Variants in KCNB2 observed in about 807,000 individuals in gnomAD.
KCNB2 encodes the protein delayed rectifier potassium channel protein.
Under a neutral mutation model 61.5 loss-of-function variants are expected in KCNB2, and 15 were observed. The observed-to-expected ratio is 0.24, with a 90% confidence interval of 0.16 to 0.38. The LOEUF is 0.38. KCNB2 is among the 10% of genes least tolerant of loss of function. The pLI, the probability that KCNB2 is intolerant of heterozygous loss-of-function variation, is 1.00. For synonymous variants in KCNB2, 457 were observed against 446.0 expected, an observed-to-expected ratio of 1.02 and a Z score of -0.31; for missense variants, 828 against 1,125.2, an observed-to-expected ratio of 0.74 and a Z score of 3.78.
chr8:72,791,480 T>C (rs1808942233), intron 2 of KCNB2, among the ~76,000 whole-genome samples: 1 of 151,968 alleles, frequency 6.6e-6, no homozygotes. Context: ...GCCTAATAGA[T>C]CAAGGCTGCA....
intron 2 of KCNB2, among the ~76,000 whole-genome samples, chr8:72,658,384 A>G (rs1345792845): frequency 1.3e-5 from 2 of 152,192 alleles, no homozygotes; most frequent in East Asian, 3.8e-4. Flanking sequence ...CTACAATTCT[A>G]TGAAGGCTGA....
At chr8:72,609,069 A>T (rs1805498805) in intron 2 of KCNB2, among the ~76,000 whole-genome samples, 2 of 152,214 alleles carry the variant, frequency 1.3e-5, no homozygotes, top group Non-Finnish European at 2.9e-5. Flanking sequence ...GAATGAGAAG[A>T]AGTATGAGAG....
In KCNB2 at chr8:72,790,876, A is replaced by T. The variant is rs146234025; in HGVS notation, c.580-145059A>T. Among the ~76,000 whole-genome samples, 836 of 152,330 alleles carry T rather than the reference A, an allele frequency of 5.5e-3. 13 individuals carry two copies. Among genetic ancestry groups the T allele is most frequent in the South Asian group, 0.03 (145 of 4,834 alleles). ...TTTCCTGAGGAGTATCAAGTTCAGA[A>T]TGCTTTCATATACTCTTTCTCTGTT... On this transcript the variant is annotated intron_variant, in intron 2 of 2. Coordinates refer to ENST00000523207, the MANE Select transcript of KCNB2 (RefSeq NM_004770.3).
chr8:72,812,897 C>G (rs1014105765), intron 2 of KCNB2, among the ~76,000 whole-genome samples: 1 of 152,078 alleles, frequency 6.6e-6, no homozygotes, highest in Admixed American at 6.6e-5. Flanking sequence ...GTGCAGACAT[C>G]ATAAAGAAAT....
intron 2 of KCNB2, among the ~76,000 whole-genome samples, chr8:72,617,971 C>T (rs576861377): frequency 1.3e-5 from 2 of 152,282 alleles, no homozygotes; most frequent in African/African-American, 4.8e-5. Context: ...GGGCTCACAG[C>T]ATGGAGCATT....
chr8:72,701,257 GA>G (rs1807120287), intron 2 of KCNB2, among the ~76,000 whole-genome samples: 1 of 152,110 alleles, frequency 6.6e-6, no homozygotes, highest in South Asian at 2.1e-4. Flanking sequence ...AAAAAAGAGA[GA>G]AAATGACCAC....
intron 2 of KCNB2, among the ~76,000 whole-genome samples, chr8:72,853,305 A>C (rs914292629): frequency 6.6e-6 from 1 of 152,194 alleles, no homozygotes; most frequent in Non-Finnish European, 1.5e-5. Context: ...GACATGGCAC[A>C]CAAAGGCTAG....
At chr8:72,664,690 T>C (rs1374342006) in intron 2 of KCNB2, among the ~76,000 whole-genome samples, 1 of 152,198 alleles carries the variant, frequency 6.6e-6, no homozygotes, top group Non-Finnish European at 1.5e-5. Flanking sequence ...GTCTAGATAC[T>C]AGGGATGTAG....
rs370076420 is a variant in KCNB2 at position 72,625,709 on chromosome 8, G to A, written c.579+57396G>A. On this transcript the variant is annotated intron_variant, in intron 2 of 2. Coordinates refer to ENST00000523207, the MANE Select transcript of KCNB2 (RefSeq NM_004770.3). ...GCTTCTCAAAGTGCTGGGATTGCGG[G>A]CATGAGCCACTGCACCCAGAAAAAT... 1.3e-4 allele frequency among the ~76,000 whole-genome samples: 20 copies of A among 152,288 alleles called. No homozygotes were observed. The East Asian group carries it at 3.7e-3, about 28-fold the overall frequency.
chr8:72,769,441 T>A (rs1808523834), intron 2 of KCNB2, among the ~76,000 whole-genome samples: 1 of 152,128 alleles, frequency 6.6e-6, no homozygotes, highest in South Asian at 2.1e-4. Flanking sequence ...CTATAGCAAA[T>A]GTTCTAATAG....
At chr8:72,729,171 T>C in intron 2 of KCNB2, among the ~76,000 whole-genome samples, 1 of 152,248 alleles carries the variant, frequency 6.6e-6, no homozygotes, top group East Asian at 1.9e-4. Context: ...GTAAAGATGG[T>C]GTAAAGCACA....
At chr8:72,795,885 A>G (rs1809024150) in intron 2 of KCNB2, among the ~76,000 whole-genome samples, 1 of 152,190 alleles carries the variant, frequency 6.6e-6, no homozygotes, top group Non-Finnish European at 1.5e-5. Flanking sequence ...GCATAAAATT[A>G]TGCATCAAAA....
intron 2 of KCNB2, among the ~76,000 whole-genome samples, chr8:72,863,791 C>A (rs1399928761): frequency 6.6e-6 from 1 of 152,190 alleles, no homozygotes; most frequent in Non-Finnish European, 1.5e-5. Flanking sequence ...AGGCAGATGG[C>A]TTGAGCCATG....
At chr8:72,790,815 A>G (rs993087593) in intron 2 of KCNB2, among the ~76,000 whole-genome samples, 1 of 152,174 alleles carries the variant, frequency 6.6e-6, no homozygotes, top group Non-Finnish European at 1.5e-5. Flanking sequence ...TACTTACTCT[A>G]TGTCCAGCTG....
chr8:72,764,698 C>T (rs1808435162), intron 2 of KCNB2, among the ~76,000 whole-genome samples: 1 of 152,154 alleles, frequency 6.6e-6, no homozygotes, highest in Non-Finnish European at 1.5e-5. Flanking sequence ...GTAAAGAAAA[C>T]AGGCAATAGT....
intron 2 of KCNB2, among the ~76,000 whole-genome samples, chr8:72,865,238 A>G (rs1563408675): frequency 6.6e-6 from 1 of 151,800 alleles, no homozygotes; most frequent in African/African-American, 2.4e-5. Flanking sequence ...TTCATTCCCC[A>G]TCGCTTACTA....
At chr8:72,847,495 T>C (rs890774675) in intron 2 of KCNB2, among the ~76,000 whole-genome samples, 1 of 152,232 alleles carries the variant, frequency 6.6e-6, no homozygotes, top group Non-Finnish European at 1.5e-5. Context: ...AGCTGTTTGG[T>C]TTCCCAGATA....
chr8:72,577,547 C>G (rs1021326702), intron 2 of KCNB2, among the ~76,000 whole-genome samples: 10 of 152,122 alleles, frequency 6.6e-5, no homozygotes, highest in African/African-American at 2.4e-4. Context: ...AGGAAGTGCT[C>G]TCATGGTCCA....
chr8:72,758,592 A>G (rs965102452), intron 2 of KCNB2, among the ~76,000 whole-genome samples: 5 of 152,180 alleles, frequency 3.3e-5, no homozygotes, highest in African/African-American at 1.2e-4. Flanking sequence ...TTTATTCAAG[A>G]TGCTCATCTG....
Sources: allele counts gnomAD v4.1 joint callset (sites outside exome capture counted in the v4.1 genomes callset), GRCh38; gene constraint gnomAD v4.1.1; transcripts MANE v1.5; gene names NCBI Gene and HGNC (gene_info 2026-07-23, HGNC 2026-07-21).